The following RPS6KC1 variants were observed in gnomAD, a reference collection of about 807,000 sequenced individuals.
RPS6KC1 encodes the protein ribosomal protein S6 kinase C1.
Under a neutral mutation model 103.8 loss-of-function variants are expected in RPS6KC1, and 54 were observed. That is an observed-to-expected ratio of 0.52 (90% CI 0.42 to 0.65). RPS6KC1 has a LOEUF of 0.65. Ranked by LOEUF, RPS6KC1 falls within the 30% of genes least tolerant of loss-of-function variation. RPS6KC1 has a pLI of 0.00. For missense variants in RPS6KC1, 1,151 were observed against 1,253.8 expected (o/e 0.92, Z 1.24); for synonymous variants, 439 against 438.7 (o/e 1.00, Z -0.01).
chr1:213,218,175 G>A (rs2093721083), intron 8 of RPS6KC1, among the ~76,000 whole-genome samples: 1 of 152,110 alleles, frequency 6.6e-6, no homozygotes, highest in Non-Finnish European at 1.5e-5. Flanking sequence ...CTTCAGCAAA[G>A]TCTCAGGATA....
At chr1:213,608,028 C>T in the RPS6KC1 span, among the ~76,000 whole-genome samples, 67 of 152,252 alleles carry the variant, frequency 4.4e-4, no homozygotes, top group Non-Finnish European at 8.1e-4. Flanking sequence ...AAATGTCTTC[C>T]GGATTCAGAA....
At chr1:213,391,564 T>C in the RPS6KC1 span, among the ~76,000 whole-genome samples, 1 of 152,202 alleles carries the variant, frequency 6.6e-6, no homozygotes, top group African/African-American at 2.4e-5. Flanking sequence ...GTAGGCCTAG[T>C]AGAGGAATAC....
the RPS6KC1 span, among the ~76,000 whole-genome samples, chr1:213,763,136 G>A: frequency 2.0e-5 from 3 of 152,186 alleles, no homozygotes; most frequent in African/African-American, 7.2e-5. Context: ...TGGGATTATA[G>A]GTGTGGGCCA....
At chr1:213,546,925 G>T in the RPS6KC1 span, among the ~76,000 whole-genome samples, 2 of 152,118 alleles carry the variant, frequency 1.3e-5, no homozygotes, top group Non-Finnish European at 2.9e-5. Flanking sequence ...GCACATGTGG[G>T]TCTAGCTAAT....
chr1:213,412,284 C>G, the RPS6KC1 span, among the ~76,000 whole-genome samples: 1 of 152,190 alleles, frequency 6.6e-6, no homozygotes, highest in African/African-American at 2.4e-5. Flanking sequence ...ATCCATCCTT[C>G]TCTATTAGAG....
At chr1:213,769,059 T>C in the RPS6KC1 span, among the ~76,000 whole-genome samples, 3 of 151,916 alleles carry the variant, frequency 2.0e-5, no homozygotes, top group South Asian at 6.2e-4. Context: ...CAGAGGGAAA[T>C]AAAAAGGCAG....
intron 14 of RPS6KC1, among the ~76,000 whole-genome samples, chr1:213,271,589 C>A (rs1479750982): frequency 6.6e-6 from 1 of 152,020 alleles, no homozygotes; most frequent in Admixed American, 6.6e-5. Context: ...CACGGTGAAA[C>A]CCTGTCTCTA....
chr1:213,543,892 A>G, the RPS6KC1 span, among the ~76,000 whole-genome samples: 31 of 152,152 alleles, frequency 2.0e-4, no homozygotes, highest in Admixed American at 7.2e-4. Context: ...CACTTTACAA[A>G]AGATCTAACT....
the RPS6KC1 span, among the ~76,000 whole-genome samples, chr1:213,568,026 A>G: frequency 2.0e-5 from 3 of 152,234 alleles, no homozygotes. Flanking sequence ...GATGTCCCAT[A>G]TGGGACCACT....
At chr1:213,190,886 CTG>C in intron 8 of RPS6KC1, among the ~76,000 whole-genome samples, 1 of 152,284 alleles carries the variant, frequency 6.6e-6, no homozygotes, top group Non-Finnish European at 1.5e-5. Context: ...TTTCCCAGCA[CTG>C]TGTATTGAAG....
chr1:213,496,268 T>A, the RPS6KC1 span, among the ~76,000 whole-genome samples: 1 of 152,154 alleles, frequency 6.6e-6, no homozygotes, highest in Non-Finnish European at 1.5e-5. Context: ...AACCTACTTA[T>A]TAAAACATAA....
intron 12 of RPS6KC1, among the ~76,000 whole-genome samples, chr1:213,252,367 A>AT (rs1318447617): frequency 2.0e-5 from 3 of 152,156 alleles, no homozygotes; most frequent in Non-Finnish European, 4.4e-5. Context: ...GACAGATTAG[A>AT]TTTTTTTAAC....
At chr1:213,252,518 G>A (rs2094563492) in intron 12 of RPS6KC1, among the ~76,000 whole-genome samples, 1 of 152,242 alleles carries the variant, frequency 6.6e-6, no homozygotes, top group Non-Finnish European at 1.5e-5. Context: ...CTTTCTGATA[G>A]TATAAAGGTA....
chr1:213,223,449 A>G (rs1376628029), intron 8 of RPS6KC1, among the ~76,000 whole-genome samples: 1 of 152,164 alleles, frequency 6.6e-6, no homozygotes, highest in Non-Finnish European at 1.5e-5. Flanking sequence ...ACTTACGAGA[A>G]CACATGATAT....
chr1:213,460,965 G>C, the RPS6KC1 span, among the ~76,000 whole-genome samples: 2 of 152,196 alleles, frequency 1.3e-5, no homozygotes, highest in South Asian at 4.1e-4. Flanking sequence ...TCCACTGTTA[G>C]TCTGATGGGC....
At chr1:213,454,098 G>A in the RPS6KC1 span, among the ~76,000 whole-genome samples, 10 of 151,768 alleles carry the variant, frequency 6.6e-5, no homozygotes, top group Non-Finnish European at 1.2e-4. Context: ...GAGTAATTAC[G>A]TTTTGGGGGA....
At chr1:213,084,115 TCTCTCA>T (rs765502833) in intron 3 of RPS6KC1, among the ~76,000 whole-genome samples, 16 of 152,134 alleles carry the variant, frequency 1.1e-4, no homozygotes, top group Non-Finnish European at 2.2e-4. Context: ...TGCTGGTGTC[TCTCTCA>T]CTCTTTCTCC....
At chr1:213,080,452 A>G (rs959160610) in intron 3 of RPS6KC1, among the ~76,000 whole-genome samples, 2 of 152,180 alleles carry the variant, frequency 1.3e-5, no homozygotes, top group Admixed American at 1.3e-4. Context: ...AACATTTGAA[A>G]TCTGTGCTTA....
At chr1:213,354,977 G>A in the RPS6KC1 span, among the ~76,000 whole-genome samples, 166 of 152,304 alleles carry the variant, frequency 1.1e-3, no homozygotes, top group Non-Finnish European at 1.5e-3. Flanking sequence ...CAGCACTTTG[G>A]GAGGCCGAGG....
Sources: gnomAD v4.1 joint callset for allele counts (sites outside exome capture counted in the v4.1 genomes callset) on GRCh38, gnomAD v4.1.1 for gene constraint, MANE v1.5 for transcripts, NCBI Gene and HGNC (gene_info 2026-07-23, HGNC 2026-07-21) for gene names.